SEMA3A: variants seen among roughly 807,000 people sequenced by gnomAD.
SEMA3A encodes semaphorin-3A.
Under a neutral mutation model 97.9 loss-of-function variants are expected in SEMA3A, and 29 were observed. The observed-to-expected ratio is 0.30, with a 90% CI of 0.22 to 0.40. SEMA3A has a LOEUF of 0.40. Ranked by LOEUF, SEMA3A falls within the 10% of genes least tolerant of loss-of-function variation. SEMA3A has a pLI of 1.00. For missense variants in SEMA3A, 763 were observed against 951.3 expected, an observed-to-expected ratio of 0.80 and a Z score of 2.60; for synonymous variants, 321 against 323.7, an observed-to-expected ratio of 0.99 and a Z score of 0.09.
intron 5 of SEMA3A, among the ~76,000 whole-genome samples, chr7:84,056,609 TCACACACACAGAAA>T (rs980922698): frequency 6.6e-6 from 1 of 151,646 alleles, no homozygotes; most frequent in Non-Finnish European, 1.5e-5. Flanking sequence ...ACCCCCTCTA[TCACACACACAGAAA>T]CACACACACA....
At chr7:84,413,894 T>G (rs1164830519) in intron 1 of SEMA3A, among the ~76,000 whole-genome samples, 1 of 152,146 alleles carries the variant, frequency 6.6e-6, no homozygotes, top group Non-Finnish European at 1.5e-5. Context: ...GCAATTTAGA[T>G]GTAGTATCTC....
At chr7:84,206,275 T>C (rs1798492312) in intron 3 of SEMA3A, among the ~76,000 whole-genome samples, 1 of 152,012 alleles carries the variant, frequency 6.6e-6, no homozygotes, top group South Asian at 2.1e-4. Flanking sequence ...AATTTTACTC[T>C]GGTGAATTTT....
chr7:84,339,678 A>G (rs1584250189), intron 2 of SEMA3A, among the ~76,000 whole-genome samples: 1 of 152,170 alleles, frequency 6.6e-6, no homozygotes, highest in Non-Finnish European at 1.5e-5. Context: ...GGTTCCACTT[A>G]TACAATTAAC....
Position 84,438,799 on chromosome 7 carries a change from A to G in SEMA3A, c.-246+53661T>C, listed in dbSNP as rs560038070. Among the ~76,000 whole-genome samples the G allele has an allele frequency of 2.0e-4, 31 of 152,206 alleles. No homozygotes were observed. In the South Asian group the frequency reaches 5.4e-3, roughly 26 times the overall value. On this transcript the variant is annotated intron_variant, in intron 1 of 3. Transcript: ENST00000424555. ...AATGACTTGAATTTTGAGGTTTCAC[A>G]GTCCTTGGAAGCCCATAGTCTACAT... is the stretch of plus-strand genomic sequence containing the variant.
chr7:84,099,809 A>C (rs11974629), intron 4 of SEMA3A, among the ~76,000 whole-genome samples: 63,366 of 151,686 alleles, frequency 0.42, 14,855 homozygotes, highest in Admixed American at 0.52. Context: ...GGGTCTTATG[A>C]TGTCACTACT....
chr7:84,026,355 A>C (rs1272601067), intron 6 of SEMA3A, among the ~76,000 whole-genome samples: 1 of 152,092 alleles, frequency 6.6e-6, no homozygotes. Flanking sequence ...ATTCTCTACT[A>C]ATAATTTTTA....
intron 4 of SEMA3A, among the ~76,000 whole-genome samples, chr7:84,097,004 T>C (rs1794795725): frequency 6.6e-6 from 1 of 152,116 alleles, no homozygotes; most frequent in African/African-American, 2.4e-5. Flanking sequence ...AGGAATGCTA[T>C]CTAGCATGAC....
At chr7:83,988,336 C>T (rs140037519) in intron 12 of SEMA3A, among the ~76,000 whole-genome samples, 2,627 of 151,998 alleles carry the variant, frequency 0.017, 70 homozygotes, top group African/African-American at 0.06. Flanking sequence ...ATGCCATTCT[C>T]CTGCCTCAGC....
intron 6 of SEMA3A, among the ~76,000 whole-genome samples, chr7:84,030,098 A>G (rs751070033): frequency 6.6e-6 from 1 of 152,142 alleles, no homozygotes; most frequent in Non-Finnish European, 1.5e-5. Context: ...ATTTTTCTAC[A>G]ATGCAATTAA....
At chr7:84,063,644 C>T (rs1408920594) in intron 4 of SEMA3A, among the ~76,000 whole-genome samples, 207 of 151,222 alleles carry the variant, frequency 1.4e-3, no homozygotes, top group African/African-American at 4.6e-3. Flanking sequence ...GGAGACGATG[C>T]GATCAACTGG....
At chr7:84,366,750 T>G (rs141297526) in intron 2 of SEMA3A, among the ~76,000 whole-genome samples, 1 of 151,492 alleles carries the variant, frequency 6.6e-6, no homozygotes, top group East Asian at 1.9e-4. Flanking sequence ...AAGGCCTTTC[T>G]GTGCAACAAA....
chr7:84,483,483 T>TA (rs1806496040), intron 1 of SEMA3A, among the ~76,000 whole-genome samples: 1 of 152,170 alleles, frequency 6.6e-6, no homozygotes, highest in Admixed American at 6.5e-5. Flanking sequence ...TATCATTTTT[T>TA]ATAGAGAAGG....
intron 3 of SEMA3A, among the ~76,000 whole-genome samples, chr7:84,115,685 C>A (rs1481930420): frequency 2.0e-5 from 3 of 152,090 alleles, no homozygotes; most frequent in African/African-American, 4.8e-5. Context: ...CCTAGCATAA[C>A]CTTTCTTCAC....
intron 2 of SEMA3A, among the ~76,000 whole-genome samples, chr7:84,321,872 GAAAAAAAAAAAAAAAAA>G: frequency 8.3e-5 from 1 of 12,076 alleles, no homozygotes; most frequent in South Asian, 4.1e-3. Context: ...CGAGACTACG[GAAAAAAAAAAAAAAAAA>G]AAAAAAAAAA....
intron 1 of SEMA3A, among the ~76,000 whole-genome samples, chr7:84,416,303 C>T (rs1442254422): frequency 6.6e-6 from 1 of 152,106 alleles, no homozygotes; most frequent in Non-Finnish European, 1.5e-5. Flanking sequence ...TCCTCATTTT[C>T]TCTTGCCACC....
intron 3 of SEMA3A, among the ~76,000 whole-genome samples, chr7:84,232,629 T>C (rs1279609946): frequency 6.6e-6 from 1 of 151,960 alleles, no homozygotes; most frequent in Non-Finnish European, 1.5e-5. Flanking sequence ...AACCACAGCA[T>C]ATAAGAAAAC....
intron 3 of SEMA3A, among the ~76,000 whole-genome samples, chr7:84,124,255 A>G (rs1795720651): frequency 6.6e-6 from 1 of 152,152 alleles, no homozygotes; most frequent in Admixed American, 6.5e-5. Flanking sequence ...ATAGCATTTT[A>G]CCCAGTGTGA....
chr7:84,420,573 TGG>T (rs1256701626), intron 1 of SEMA3A, among the ~76,000 whole-genome samples: 54 of 152,042 alleles, frequency 3.6e-4, no homozygotes, highest in African/African-American at 1.2e-3. Flanking sequence ...TGAAGAATAA[TGG>T]CAAAAACTTT....
chr7:84,377,544 C>G (rs958314507), intron 1 of SEMA3A, among the ~76,000 whole-genome samples: 1 of 151,988 alleles, frequency 6.6e-6, no homozygotes, highest in Non-Finnish European at 1.5e-5. Flanking sequence ...GTGGTGCCTC[C>G]AGCTTTGTTC....
Sources: allele counts gnomAD v4.1 joint callset (sites outside exome capture counted in the v4.1 genomes callset), GRCh38; gene constraint gnomAD v4.1.1; transcripts MANE v1.5; gene names NCBI Gene and HGNC (gene_info 2026-07-23, HGNC 2026-07-21).